Variants in RYR2 observed in about 807,000 individuals in gnomAD.
RYR2 encodes cardiac muscle ryanodine receptor-calcium release channel.
A neutral mutation model predicts 601.1 loss-of-function variants in RYR2; 227 were observed. That is an observed-to-expected ratio of 0.38 (90% CI 0.34 to 0.42). RYR2 has a LOEUF of 0.42. Ranked by LOEUF, RYR2 falls within the 10% of genes least tolerant of loss-of-function variation. The pLI is 1.00. For missense variants in RYR2, 4,646 were observed against 6,156.5 expected, an observed-to-expected ratio of 0.75 and a Z score of 8.21; for synonymous variants, 2,223 against 2,175.1, an observed-to-expected ratio of 1.02 and a Z score of -0.61.
chr1:237,197,591 G>A (rs571057373), intron 1 of RYR2, among the ~76,000 whole-genome samples: 39 of 152,268 alleles, frequency 2.6e-4, no homozygotes, highest in African/African-American at 8.7e-4. Context: ...GCACTTACGT[G>A]GGTGTGATAA....
At chr1:237,152,598 T>C (rs1410117473) in intron 1 of RYR2, among the ~76,000 whole-genome samples, 1 of 152,208 alleles carries the variant, frequency 6.6e-6, no homozygotes, top group Non-Finnish European at 1.5e-5. Flanking sequence ...ATTTCTCTAA[T>C]CATCAGTGAT....
At chr1:237,471,124 A>T (rs1213488960) in intron 17 of RYR2, 3 of 154,442 alleles carry the variant, frequency 1.9e-5, no homozygotes, top group African/African-American at 7.2e-5. Flanking sequence ...TCCACTTGGC[A>T]GGTGCCATGT....
intron 84 of RYR2, among the ~76,000 whole-genome samples, chr1:237,766,393 ATAGTGACCAGCAT>A (rs1693851742): frequency 6.6e-6 from 1 of 152,204 alleles, no homozygotes; most frequent in South Asian, 2.1e-4. Context: ...TCCTCCAAAG[ATAGTGACCAGCAT>A]TATTATTTCC....
chr1:237,141,727 T>G (rs1256153714), intron 1 of RYR2, among the ~76,000 whole-genome samples: 1 of 152,218 alleles, frequency 6.6e-6, no homozygotes, highest in Non-Finnish European at 1.5e-5. Flanking sequence ...GCTTTTAAGC[T>G]AATTTTCTGG....
At chr1:237,427,111 A>T (rs1184608870) in intron 12 of RYR2, among the ~76,000 whole-genome samples, 1 of 152,206 alleles carries the variant, frequency 6.6e-6, no homozygotes, top group Non-Finnish European at 1.5e-5. Context: ...TGGAAGAGAG[A>T]AAAGTTGGTG....
At chr1:237,307,622 A>G (rs1401364011) in intron 2 of RYR2, among the ~76,000 whole-genome samples, 2 of 151,950 alleles carry the variant, frequency 1.3e-5, no homozygotes, top group African/African-American at 2.4e-5. Context: ...TGTTTTTCAT[A>G]TTTGTTAGCA....
At chr1:237,734,071 A>T (rs73101973) in intron 79 of RYR2, among the ~76,000 whole-genome samples, 1,538 of 152,338 alleles carry the variant, frequency 0.01, 22 homozygotes, top group African/African-American at 0.032. Context: ...GATGGGGAAG[A>T]TAAAGTTTAA....
At chr1:237,825,237 A>C (rs1444932072) in intron 101 of RYR2, among the ~76,000 whole-genome samples, 1 of 152,212 alleles carries the variant, frequency 6.6e-6, no homozygotes, top group East Asian at 1.9e-4. Flanking sequence ...ACAAAGCTGG[A>C]GGCATCACAC....
intron 10 of RYR2, among the ~76,000 whole-genome samples, chr1:237,415,913 C>T (rs1479890232): frequency 6.6e-6 from 1 of 152,106 alleles, no homozygotes; most frequent in Non-Finnish European, 1.5e-5. Flanking sequence ...ACGCGGTTGT[C>T]CCTATGTTGA....
chr1:237,788,268 G>T, intron 92 of RYR2, 133 bp downstream of exon 92: 1 of 649,886 alleles, frequency 1.5e-6, no homozygotes, highest in Non-Finnish European at 2.6e-6. Flanking sequence ...TGTTTGATTT[G>T]CTCATTGTAG....
In RYR2 at chr1:237,640,822, C is replaced by T. The variant is rs995033814; in HGVS notation, c.7116-75C>T. Reference sequence around the variant, plus strand: ...TGTGTTACCTAGTAGTCCCTTTCCTCGGAGAGATATGTAATAAACATGAAA... The same window carrying T: ...TGTGTTACCTAGTAGTCCCTTTCCTTGGAGAGATATGTAATAAACATGAAA... On this transcript the variant is annotated intron_variant, in intron 46 of 104. Coordinates refer to ENST00000366574, the MANE Select transcript of RYR2 (RefSeq NM_001035.3). 4.0e-5 allele frequency: 48 copies of T among 1,186,268 alleles called. 1 individual carries two copies. The South Asian group carries it at 4.8e-4, about 12-fold the overall frequency. The allele number at this position is 1,186,268 out of a possible 1,614,324, so 73.5% of individuals were successfully genotyped here.
At chr1:237,667,104 C>T (rs1325364357) in intron 57 of RYR2, among the ~76,000 whole-genome samples, 2 of 152,126 alleles carry the variant, frequency 1.3e-5, no homozygotes, top group African/African-American at 2.4e-5. Flanking sequence ...TTTGCTTGCT[C>T]CATTCATAGT....
intron 78 of RYR2, among the ~76,000 whole-genome samples, chr1:237,732,809 G>C (rs1021055265): frequency 7.9e-5 from 12 of 152,190 alleles, no homozygotes; most frequent in Admixed American, 7.2e-4. Flanking sequence ...GCAGAGGCTA[G>C]AGGACCTTTA....
intron 24 of RYR2, among the ~76,000 whole-genome samples, chr1:237,524,427 G>A (rs1032643555): frequency 6.6e-6 from 1 of 152,220 alleles, no homozygotes; most frequent in Non-Finnish European, 1.5e-5. Flanking sequence ...CAGCAGGCAT[G>A]GGGGACCTCA....
At chr1:237,257,109 G>C (rs894135791) in intron 1 of RYR2, among the ~76,000 whole-genome samples, 1 of 152,114 alleles carries the variant, frequency 6.6e-6, no homozygotes, top group Non-Finnish European at 1.5e-5. Context: ...GGAAATCACA[G>C]GACTGTACTT....
intron 3 of RYR2, among the ~76,000 whole-genome samples, chr1:237,341,389 G>T (rs1440491404): frequency 6.6e-6 from 1 of 152,076 alleles, no homozygotes; most frequent in African/African-American, 2.4e-5. Context: ...TGTCACCCAG[G>T]CTGGAGTGCA....
At chr1:237,233,623 A>C (rs565085330) in intron 1 of RYR2, among the ~76,000 whole-genome samples, 1 of 152,234 alleles carries the variant, frequency 6.6e-6, no homozygotes, top group African/African-American at 2.4e-5. Context: ...AGTCAAGAGT[A>C]ATGGCTATTA....
At chr1:237,457,946 A>G (rs1659034022) in intron 16 of RYR2, among the ~76,000 whole-genome samples, 3 of 152,128 alleles carry the variant, frequency 2.0e-5, no homozygotes, top group Admixed American at 2.0e-4. Context: ...TTGTCCCGGT[A>G]TATGAGGCCC....
chr1:237,638,753 C>T (rs1030063086), intron 45 of RYR2, among the ~76,000 whole-genome samples: 2 of 152,104 alleles, frequency 1.3e-5, no homozygotes, highest in Non-Finnish European at 2.9e-5. Context: ...TGGATTATGA[C>T]ATCATTCTAT....
Sources: gnomAD v4.1 joint callset for allele counts (sites outside exome capture counted in the v4.1 genomes callset) on GRCh38, gnomAD v4.1.1 for gene constraint, MANE v1.5 for transcripts, NCBI Gene and HGNC (gene_info 2026-07-23, HGNC 2026-07-21) for gene names.